Variants in RFX3 observed in about 807,000 individuals in gnomAD.
RFX3 encodes transcription factor RFX3.
RFX3 carries 14 observed loss-of-function variants against 98.6 expected under a neutral mutation model. That is an observed-to-expected ratio of 0.14 (90% confidence interval 0.09 to 0.22). The LOEUF (loss-of-function observed/expected upper bound fraction) is 0.22, where lower values mean the gene tolerates loss of function less well. Among genes scored for constraint, RFX3 ranks in the 10% least tolerant of loss-of-function variants. The pLI, the probability that RFX3 is intolerant of heterozygous loss-of-function variation, is 1.00. For missense variants in RFX3, 639 were observed against 926.9 expected (o/e 0.69, Z 4.03); for synonymous variants, 383 against 328.4 (o/e 1.17, Z -1.80).
rs931629769 is a variant in RFX3, at chr9:3,220,184, A to T, written c.*4858T>A. 7.9e-5 allele frequency: 12 copies of T among 152,280 alleles called. No individual in the cohort carries two copies. The highest frequency in any genetic ancestry group is 3.4e-3 in the Middle Eastern group (1 of 294). The allele number at this position is 152,280 out of a possible 1,614,324, so 9.4% of individuals were successfully genotyped here. The stretch of plus-strand genomic sequence containing the variant: ...TATGCCCTGTGTGAAATTCGCAAAC[A>T]ATATTTTATGAGCGATCTAACTCCA... On this transcript the variant is annotated 3_prime_UTR_variant, in exon 17 of 17. Coordinates refer to ENST00000617270, the MANE Select transcript of RFX3 (RefSeq NM_001282116.2).
intron 1 of RFX3, among the ~76,000 whole-genome samples, chr9:3,469,572 A>C (rs944084195): frequency 3.3e-5 from 5 of 152,110 alleles, no homozygotes; most frequent in African/African-American, 1.2e-4. Context: ...TCAATGATAA[A>C]ATATTATTTT....
chr9:3,453,654 G>C (rs1053591583), intron 1 of RFX3: 19 of 150,730 alleles, frequency 1.3e-4, no homozygotes, highest in Middle Eastern at 3.2e-3. Context: ...AGGTTGCAGT[G>C]AGCCAAGATG....
At chr9:3,413,228 A>C (rs1038288168) in intron 1 of RFX3, among the ~76,000 whole-genome samples, 10 of 152,044 alleles carry the variant, frequency 6.6e-5, no homozygotes, top group African/African-American at 2.4e-4. Flanking sequence ...AGAAAATATT[A>C]AAATACTTGT....
At chr9:3,512,129 G>GA (rs77649265) in intron 1 of RFX3, among the ~76,000 whole-genome samples, 35,428 of 151,750 alleles carry the variant, frequency 0.23, 7,750 homozygotes, top group East Asian at 0.58. Flanking sequence ...TGTGCTGAGA[G>GA]AAAAAACAAG....
chr9:3,407,371 T>A (rs1408185173), intron 1 of RFX3, among the ~76,000 whole-genome samples: 1 of 152,124 alleles, frequency 6.6e-6, no homozygotes, highest in Non-Finnish European at 1.5e-5. Context: ...ACTATTATTA[T>A]CCCATTTATT....
chr9:3,268,393 T>C (rs1823937854), intron 11 of RFX3, among the ~76,000 whole-genome samples: 1 of 151,724 alleles, frequency 6.6e-6, no homozygotes, highest in African/African-American at 2.4e-5. Context: ...CAAAGCCTCA[T>C]GAATGGATGG....
At chr9:3,375,252 T>C (rs973195375) in intron 2 of RFX3, among the ~76,000 whole-genome samples, 4 of 152,190 alleles carry the variant, frequency 2.6e-5, no homozygotes, top group Admixed American at 2.0e-4. Context: ...GTCAGAATTA[T>C]AGGAGTGCGC....
chr9:3,349,490 A>G (rs1202630993), intron 2 of RFX3, among the ~76,000 whole-genome samples: 2 of 152,034 alleles, frequency 1.3e-5, no homozygotes, highest in Non-Finnish European at 2.9e-5. Flanking sequence ...TGAAATATCT[A>G]TGTGGTTCCA....
intron 16 of RFX3, among the ~76,000 whole-genome samples, chr9:3,228,582 T>C (rs1484520058): frequency 1.3e-5 from 2 of 152,218 alleles, no homozygotes; most frequent in East Asian, 3.8e-4. Context: ...TCTTGTTGCT[T>C]GTAATGAACT....
At chr9:3,267,561 A>C (rs920482050) in intron 11 of RFX3, among the ~76,000 whole-genome samples, 1 of 151,922 alleles carries the variant, frequency 6.6e-6, no homozygotes, top group Admixed American at 6.6e-5. Flanking sequence ...TAACTGTTCA[A>C]AACTGGAGAG....
Position 3,525,939 on chromosome 9 carries a change from AGG to A in RFX3, c.-203_-202del. The A allele has an allele frequency of 1.8e-5, 15 of 824,164 alleles. No individual in the cohort carries two copies. Among genetic ancestry groups the A allele is most frequent in the Non-Finnish European group, 1.9e-5 (13 of 699,038 alleles). The allele number at this position is 824,164 out of a possible 1,614,324, so 51.1% of individuals were successfully genotyped here. On this transcript the variant is annotated 5_prime_UTR_variant, in exon 1 of 17. Coordinates refer to ENST00000617270, the MANE Select transcript of RFX3 (RefSeq NM_001282116.2). ...TATAACTCACAAAAGAGAGAGAGAG[AGG>A]GAGAGAGAGAGAGAGCGAGAGGGAG...
At chr9:3,397,102 T>C (rs887422779) in intron 1 of RFX3, among the ~76,000 whole-genome samples, 8 of 152,224 alleles carry the variant, frequency 5.3e-5, no homozygotes, top group Non-Finnish European at 1.2e-4. Flanking sequence ...AACAAAGACA[T>C]GTACTTTCTC....
rs1267719538 is a variant in RFX3 at position 3,225,113 on chromosome 9, C to T, written c.2179G>A (p.Glu727Lys). 3 of 1,613,798 alleles carry T rather than the reference C, an allele frequency of 1.9e-6. No homozygotes were observed. Among genetic ancestry groups the T allele is most frequent in the East Asian group, 4.5e-5 (2 of 44,884 alleles). Residue 727 changes from glutamate (E) to lysine (K), a missense_variant, in exon 17 of 17, where the codon GAG (glutamate) becomes AAG (lysine). By Grantham distance (56) the Glu-to-Lys change is moderately conservative. This residue lies in a region of RFX3 where 129 missense variants were observed against 124.6 expected (regional missense o/e 1.04). Transcript: ENST00000617270. ...GTCTGAGTACTTGTGACAATGTGCT[C>T]GCTGTGAATTGGATTCAGGAGGCTT... ...QPSLLNPIHS[E>K]HIVTSTQTIR...
intron 5 of RFX3, among the ~76,000 whole-genome samples, chr9:3,296,735 G>A (rs1205167466): frequency 6.6e-6 from 1 of 152,072 alleles, no homozygotes; most frequent in Non-Finnish European, 1.5e-5. Context: ...GAATAAGGAA[G>A]TCAAGTGGAG....
In RFX3 at chr9:3,369,704, AG is replaced by A. The variant is rs1837586747; in HGVS notation, c.118-22941del. Among the ~76,000 whole-genome samples the A allele has an allele frequency of 2.0e-5, 3 of 152,392 alleles. No individual in the cohort carries two copies. The South Asian group carries it at 6.2e-4, about 32-fold the overall frequency. ...TAAAGAATACTTTTACACTAGCGAA[AG>A]CAAATGATATTTTGAAGCCAAGAAC... On this transcript the variant is annotated intron_variant, in intron 2 of 16. Transcript: ENST00000617270.
intron 14 of RFX3, among the ~76,000 whole-genome samples, chr9:3,256,189 C>G (rs1822119646): frequency 6.6e-6 from 1 of 152,096 alleles, no homozygotes. Context: ...CGAGGATGGT[C>G]TCGATCTCCT....
At chr9:3,232,062 G>A (rs138759271) in intron 15 of RFX3, among the ~76,000 whole-genome samples, 1 of 21,586 alleles carries the variant, frequency 4.6e-5, no homozygotes, top group African/African-American at 1.2e-4. Flanking sequence ...AAGCAAGCAA[G>A]CAAGCAAGCA....
At chr9:3,337,368 T>C (rs1486398957) in intron 3 of RFX3, among the ~76,000 whole-genome samples, 2 of 152,188 alleles carry the variant, frequency 1.3e-5, no homozygotes, top group South Asian at 2.1e-4. Flanking sequence ...TTAGAAAAGT[T>C]TGAGAGCACA....
intron 15 of RFX3, among the ~76,000 whole-genome samples, chr9:3,233,438 A>G (rs1818742422): frequency 6.6e-6 from 1 of 152,222 alleles, no homozygotes. Context: ...CTGACTTTTC[A>G]TAGTGAGGCA....
Sources: allele counts gnomAD v4.1 joint callset (sites outside exome capture counted in the v4.1 genomes callset), GRCh38; gene constraint gnomAD v4.1.1; regional missense constraint gnomAD v4.1.1; transcripts MANE v1.5; gene names NCBI Gene and HGNC (gene_info 2026-07-23, HGNC 2026-07-21).